The following TBL1XR1 variants were observed in gnomAD, a reference collection of about 807,000 sequenced individuals.
TBL1XR1 encodes TBL1X/Y related 1.
In TBL1XR1, 5 loss-of-function variants were observed where a neutral mutation model predicts 66.9. The ratio of observed to expected loss-of-function variants is 0.07; its 90% CI spans 0.04 to 0.16. TBL1XR1 has a LOEUF of 0.16. Among genes scored for constraint, TBL1XR1 ranks in the 10% least tolerant of loss-of-function variants. TBL1XR1 has a pLI of 1.00. For synonymous variants in TBL1XR1, 210 were observed against 206.0 expected (o/e 1.02, Z -0.17); for missense variants, 238 against 623.2 (o/e 0.38, Z 6.58).
chr3:177,187,949 T>C (rs1735647370), intron 1 of TBL1XR1, among the ~76,000 whole-genome samples: 1 of 130,972 alleles, frequency 7.6e-6, no homozygotes, highest in East Asian at 6.7e-4. Flanking sequence ...TTTCCTTTTT[T>C]TTTTTTTTTT....
Position 177,021,553 on chromosome 3 carries a change from C to T in TBL1XR1, c.*3945G>A, listed in dbSNP as rs1576945743. The stretch of plus-strand genomic sequence containing the variant: ...TCTCTCTTCTACATTTAACTAGAAT[C>T]ATGTTTAAAAAAAACTGATATTAAA... On this transcript the variant is annotated 3_prime_UTR_variant, in exon 16 of 16. Coordinates refer to ENST00000457928, the MANE Select transcript of TBL1XR1 (RefSeq NM_024665.7). The T allele has an allele frequency of 6.6e-6, 1 of 152,578 alleles. No homozygotes were observed. The highest frequency in any genetic ancestry group is 2.1e-4 in the South Asian group (1 of 4,818). 9.5% of individuals were successfully genotyped at this position (152,578 alleles called of 1,614,324 possible). A position where few individuals can be genotyped will look rare whatever the true frequency, so the allele number is the denominator to read the frequency against.
At chr3:177,184,561 G>A (rs984662848) in intron 1 of TBL1XR1, among the ~76,000 whole-genome samples, 3 of 152,174 alleles carry the variant, frequency 2.0e-5, no homozygotes, top group Admixed American at 6.5e-5. Flanking sequence ...CAGCACTTTG[G>A]GAGGCAGAGG....
At chr3:177,164,350 ATTTTTTT>A (rs34088456) in intron 1 of TBL1XR1, among the ~76,000 whole-genome samples, 1 of 142,804 alleles carries the variant, frequency 7.0e-6, no homozygotes, top group Non-Finnish European at 1.5e-5. Flanking sequence ...CCTATTTTCA[ATTTTTTT>A]TTTTTTTTTG....
At chr3:177,096,352 A>ACACACACACACACT (rs1267056134) in intron 2 of TBL1XR1, among the ~76,000 whole-genome samples, 2 of 152,012 alleles carry the variant, frequency 1.3e-5, no homozygotes, top group Admixed American at 6.6e-5. Flanking sequence ...ACACACACAC[A>ACACACACACACACT]CTTAAATTTC....
intron 2 of TBL1XR1, among the ~76,000 whole-genome samples, chr3:177,081,612 C>T (rs1019306345): frequency 6.6e-6 from 1 of 152,026 alleles, no homozygotes; most frequent in Admixed American, 6.6e-5. Flanking sequence ...TTAGTGCATG[C>T]CTGTAGTCCT....
chr3:177,092,815 T>C (rs1318385619), intron 2 of TBL1XR1, among the ~76,000 whole-genome samples: 1 of 152,002 alleles, frequency 6.6e-6, no homozygotes, highest in African/African-American at 2.4e-5. Context: ...AATCAAGATG[T>C]CAAAGAGATT....
intron 1 of TBL1XR1, among the ~76,000 whole-genome samples, chr3:177,129,882 C>T (rs956241257): frequency 4.6e-5 from 7 of 152,076 alleles, no homozygotes; most frequent in African/African-American, 7.2e-5. Context: ...CAGTGGCTCA[C>T]GCCTGTAATC....
At chr3:177,045,910 A>G (rs945463241) in intron 10 of TBL1XR1, among the ~76,000 whole-genome samples, 7 of 152,140 alleles carry the variant, frequency 4.6e-5, no homozygotes, top group African/African-American at 1.7e-4. Context: ...CTCTAATTGC[A>G]CCAGGCTGCA....
At chr3:177,147,344 C>T (rs1450219476) in intron 1 of TBL1XR1, among the ~76,000 whole-genome samples, 2 of 152,010 alleles carry the variant, frequency 1.3e-5, no homozygotes, top group African/African-American at 2.4e-5. Flanking sequence ...CCACGATGCC[C>T]GACCAAGTAA....
At chr3:177,078,259 T>A (rs961362250) in intron 2 of TBL1XR1, among the ~76,000 whole-genome samples, 1 of 152,140 alleles carries the variant, frequency 6.6e-6, no homozygotes, top group African/African-American at 2.4e-5. Context: ...TTTTTAAACT[T>A]TCATAAATAA....
chr3:177,063,735 G>T (rs901897447), intron 3 of TBL1XR1, among the ~76,000 whole-genome samples: 2 of 152,078 alleles, frequency 1.3e-5, no homozygotes, highest in African/African-American at 4.8e-5. Context: ...CAAAACAAGA[G>T]CTATTAACTT....
intron 14 of TBL1XR1, among the ~76,000 whole-genome samples, chr3:177,028,917 C>T (rs1328409943): frequency 2.0e-5 from 3 of 151,790 alleles, no homozygotes; most frequent in Non-Finnish European, 4.4e-5. Context: ...TATATGAAAC[C>T]GGCATTATGA....
At position 177,021,370 on chromosome 3, in the gene TBL1XR1, C is replaced by CA. The variant is rs55865199; in HGVS notation, c.*4127dup. ...AAAGAAAACATCATGAAACAGCTTA[C>CA]AAAAAAAAAAAAAATATATGCCCTA... On this transcript the variant is annotated 3_prime_UTR_variant, in exon 16 of 16. Coordinates refer to ENST00000457928, the MANE Select transcript of TBL1XR1 (RefSeq NM_024665.7). The CA allele has an allele frequency of 8.2e-3, 1,115 of 136,558 alleles. 11 individuals carry two copies. The highest frequency in any genetic ancestry group is 0.025 in the African/African-American group (942 of 37,294). 8.5% of individuals were successfully genotyped at this position (136,558 alleles called of 1,614,324 possible). A position where few individuals can be genotyped will look rare whatever the true frequency, so the allele number is the denominator to read the frequency against.
At chr3:177,163,352 CA>C (rs1458834815) in intron 1 of TBL1XR1, among the ~76,000 whole-genome samples, 1 of 151,786 alleles carries the variant, frequency 6.6e-6, no homozygotes, top group African/African-American at 2.4e-5. Context: ...ACTCAAAATA[CA>C]AAAAAATTAG....
intron 10 of TBL1XR1, among the ~76,000 whole-genome samples, chr3:177,042,133 T>C (rs575397390): frequency 3.3e-5 from 5 of 152,250 alleles, no homozygotes; most frequent in African/African-American, 1.2e-4. Context: ...CACTTTCATT[T>C]TGACTGTGCA....
chr3:177,035,806 G>T (rs1490571787), intron 12 of TBL1XR1, among the ~76,000 whole-genome samples: 1 of 152,184 alleles, frequency 6.6e-6, no homozygotes, highest in Non-Finnish European at 1.5e-5. Flanking sequence ...CGCCAGTCCA[G>T]CTGAGGGTGT....
intron 3 of TBL1XR1, among the ~76,000 whole-genome samples, chr3:177,062,397 T>C (rs543989903): frequency 3.3e-5 from 5 of 152,348 alleles, no homozygotes; most frequent in African/African-American, 7.2e-5. Context: ...CCTGGGGCAT[T>C]TGTAAAATGC....
chr3:177,043,326 T>C (rs1715860594), intron 10 of TBL1XR1, among the ~76,000 whole-genome samples: 1 of 152,162 alleles, frequency 6.6e-6, no homozygotes, highest in Non-Finnish European at 1.5e-5. Flanking sequence ...TTTTGCTTCA[T>C]ATGTTTTGAA....
At chr3:177,164,102 A>C in intron 1 of TBL1XR1, 1 of 152,252 alleles carries the variant, frequency 6.6e-6, no homozygotes, top group East Asian at 1.9e-4. Flanking sequence ...CCAACCGTGC[A>C]CACGCATACG....
Sources: gnomAD v4.1 joint callset for allele counts (sites outside exome capture counted in the v4.1 genomes callset) on GRCh38, gnomAD v4.1.1 for gene constraint, MANE v1.5 for transcripts, NCBI Gene and HGNC (gene_info 2026-07-23, HGNC 2026-07-21) for gene names.